The following PRAG1 variants were observed in gnomAD, a reference collection of about 807,000 sequenced individuals.
The protein encoded by PRAG1 is inactive tyrosine-protein kinase PRAG1.
In PRAG1, 110 loss-of-function variants were observed where a neutral mutation model predicts 95.6. The observed-to-expected ratio is 1.15, with a 90% CI of 0.99 to 1.35. The LOEUF (loss-of-function observed/expected upper bound fraction) is 1.35. Ranked by LOEUF, PRAG1 falls within the 40% of genes most tolerant of loss-of-function variation. PRAG1 has a pLI of 0.00. For synonymous variants in PRAG1, 1,052 were observed against 819.4 expected, an observed-to-expected ratio of 1.28 and a Z score of -4.85; for missense variants, 2,554 against 1,864.7, an observed-to-expected ratio of 1.37 and a Z score of -6.81.
chr8:8,329,404 A>ATAATAG (rs1474756821), intron 4 of PRAG1, among the ~76,000 whole-genome samples: 1 of 151,848 alleles, frequency 6.6e-6, no homozygotes, highest in Non-Finnish European at 1.5e-5. Context: ...AATAATAATA[A>ATAATAG]TAATGGGTTG....
intron 3 of PRAG1, among the ~76,000 whole-genome samples, chr8:8,361,192 T>A (rs1160788517): frequency 6.6e-6 from 1 of 152,192 alleles, no homozygotes; most frequent in Non-Finnish European, 1.5e-5. Context: ...GAACTTCCCT[T>A]AAAGGAAAGA....
intron 5 of PRAG1, among the ~76,000 whole-genome samples, chr8:8,322,344 C>T (rs1798499042): frequency 6.6e-6 from 1 of 152,062 alleles, no homozygotes; most frequent in Admixed American, 6.5e-5. Flanking sequence ...CCACACTCGA[C>T]TAAATTTTTG....
At chr8:8,366,608 C>G (rs1800016425) in intron 3 of PRAG1, among the ~76,000 whole-genome samples, 3 of 151,860 alleles carry the variant, frequency 2.0e-5, no homozygotes, top group Non-Finnish European at 4.4e-5. Flanking sequence ...GCCACTGAGC[C>G]CAGCTGGGAA....
Position 8,327,888 on chromosome 8 carries a change from C to T in PRAG1, c.2894G>A (p.Arg965His), listed in dbSNP as rs752294490. The T allele has an allele frequency of 7.4e-6, 12 of 1,614,066 alleles. No individual in the cohort carries two copies. Among genetic ancestry groups the T allele is most frequent in the African/African-American group, 4.0e-5 (3 of 74,934 alleles). Residue 965 changes from arginine (R) to histidine (H), a missense_variant, in exon 5 of 6, where the codon CGC becomes CAC. Physicochemically the swap from Arg to His is conservative, Grantham distance 29. Transcript: ENST00000615670. ...LGGLYTQSLA[R>H]LVAKCEDLFM... ...GAGGTCCTCACATTTGGCTACAAGG[C>T]GGGCCAGGGACTGGGTGTAGAGTCC...
rs144692221 is a variant in PRAG1 at position 8,356,772 on chromosome 8, C to A, written c.2163-17137G>T. 1.5e-3 allele frequency among the ~76,000 whole-genome samples: 228 copies of A among 152,232 alleles called. 5 individuals are homozygous for A. The South Asian group carries it at 0.043, about 29-fold the overall frequency. The stretch of plus-strand genomic sequence containing the variant: ...GAACAAAGTTGGAGGTCTCACACTT[C>A]CTGATTTCAAAACTGATACAAAACT... On this transcript the variant is annotated intron_variant, in intron 3 of 5. Transcript: ENST00000615670.
At position 8,383,214 on chromosome 8, in the gene PRAG1, T is replaced by A. The variant is rs188525761; in HGVS notation, c.-87-1380A>T. Among the ~76,000 whole-genome samples, 42 of 152,268 alleles carry A rather than the reference T, an allele frequency of 2.8e-4. No individual in the cohort carries two copies. In the South Asian group the frequency reaches 5.0e-3, roughly 18 times the overall value. On this transcript the variant is annotated intron_variant, in intron 1 of 5. Coordinates refer to ENST00000615670, the MANE Select transcript of PRAG1 (RefSeq NM_001080826.3). ...GTGCTCTCTTTTATCTCCACACTCA[T>A]AGACAGGGGTGTTCATTCAACAAGT...
chr8:8,341,454 T>C (rs987973738), intron 3 of PRAG1, among the ~76,000 whole-genome samples: 22 of 152,204 alleles, frequency 1.4e-4, no homozygotes, highest in Admixed American at 1.1e-3. Context: ...CCTTCAATAC[T>C]AAGCGTATAT....
At position 8,378,042 on chromosome 8, in the gene PRAG1, G is replaced by A. The variant is rs1346889560; in HGVS notation, c.367C>T (p.Pro123Ser). The A allele has an allele frequency of 1.9e-6, 3 of 1,555,888 alleles. No homozygotes were observed. The highest frequency in any genetic ancestry group is 1.7e-6 in the Non-Finnish European group (2 of 1,150,940). ...ACGACGGGGGCATCCTCCTGCTTCG[G>A]GAGGGGGAGCTTGCCAGGGGCTCGT... is the stretch of plus-strand genomic sequence containing the variant. ...WRRAPGKLPL[P>S]KQEDAPVVYL... Residue 123 changes from proline (P) to serine (S), a missense_variant, in exon 3 of 6, where the codon CCG becomes TCG. Coordinates refer to ENST00000615670, the MANE Select transcript of PRAG1 (RefSeq NM_001080826.3).
rs1250157517 is a variant in PRAG1 at position 8,381,468 on chromosome 8, C to T, written c.280G>A (p.Glu94Lys). Residue 94 changes from glutamate (E) to lysine (K), a missense_variant, in exon 2 of 6, where the codon GAG becomes AAG. Physicochemically the swap from Glu to Lys is moderately conservative, Grantham distance 56. Transcript: ENST00000615670. ...IAVKPTMMSSEASDVWTEANL... is the reference protein window; with the variant it reads ...IAVKPTMMSSKASDVWTEANL... Reference sequence around the variant, plus strand: ...GCCTCTGTCCACACATCAGAGGCCTCGGAGCTCATCATGGTGGGCTTCACG... The same window carrying T: ...GCCTCTGTCCACACATCAGAGGCCTTGGAGCTCATCATGGTGGGCTTCACG... The T allele has an allele frequency of 3.1e-6, 5 of 1,614,206 alleles. No homozygotes were observed. The highest frequency in any genetic ancestry group is 2.2e-5 in the East Asian group (1 of 44,880).
chr8:8,364,558 T>G (rs1799943687), intron 3 of PRAG1, among the ~76,000 whole-genome samples: 1 of 152,246 alleles, frequency 6.6e-6, no homozygotes, highest in South Asian at 2.1e-4. Context: ...ATGCTGTGAA[T>G]GTTTTTAAAT....
At position 8,376,679 on chromosome 8, in the gene PRAG1, C is replaced by T; in HGVS notation, c.1730G>A (p.Ser577Asn). Residue 577 changes from serine to asparagine, a missense_variant, in exon 3 of 6, where the codon AGC becomes AAC. By Grantham distance (46) the Ser-to-Asn change is conservative. Transcript: ENST00000615670. ...VSPLADLSDG[S>N]SGGSSIGPQP... ...GGGCCCAATGCTGCTGCCGCCAGAG[C>T]TCCCATCACTAAGGTCAGCCAGCGG... 6.2e-7 allele frequency: 1 copy of T among 1,611,580 alleles called. No homozygotes were observed. Among genetic ancestry groups the T allele is most frequent in the East Asian group, 2.2e-5 (1 of 44,880 alleles).
At chr8:8,352,869 G>A (rs574690543) in intron 3 of PRAG1, among the ~76,000 whole-genome samples, 2 of 152,240 alleles carry the variant, frequency 1.3e-5, no homozygotes, top group South Asian at 2.1e-4. Context: ...TGAAGGGAAG[G>A]AAGAAGATAT....
chr8:8,355,236 T>G (rs1355743896), intron 3 of PRAG1, among the ~76,000 whole-genome samples: 1 of 152,110 alleles, frequency 6.6e-6, no homozygotes, highest in East Asian at 1.9e-4. Flanking sequence ...CTGAAAACTA[T>G]AAAACATTAA....
intron 3 of PRAG1, among the ~76,000 whole-genome samples, chr8:8,344,823 C>T (rs1429500651): frequency 2.0e-5 from 3 of 152,024 alleles, no homozygotes; most frequent in African/African-American, 7.2e-5. Flanking sequence ...TCCATCAGAC[C>T]CCTCAGTGGG....
intron 3 of PRAG1, among the ~76,000 whole-genome samples, chr8:8,346,932 A>G (rs1799362214): frequency 6.6e-6 from 1 of 152,204 alleles, no homozygotes; most frequent in Non-Finnish European, 1.5e-5. Context: ...CCCAGCAGGC[A>G]TTCACACTGC....
In PRAG1 at chr8:8,344,242, A is replaced by G. The variant is rs182326986; in HGVS notation, c.2163-4607T>C. ...TAAACTGTTGAACGGTGCTTCCACA[A>G]AGGAATGAAAACATTGTGGTATAGT... On this transcript the variant is annotated intron_variant, in intron 3 of 5. Coordinates refer to ENST00000615670, the MANE Select transcript of PRAG1 (RefSeq NM_001080826.3). Among the ~76,000 whole-genome samples, 4 of 152,338 alleles carry G rather than the reference A, an allele frequency of 2.6e-5. No individual in the cohort carries two copies. In the East Asian group the frequency reaches 7.7e-4, roughly 29 times the overall value.
intron 5 of PRAG1, among the ~76,000 whole-genome samples, chr8:8,324,470 T>C (rs1031026121): frequency 5.9e-5 from 9 of 152,134 alleles, no homozygotes; most frequent in Non-Finnish European, 1.3e-4. Context: ...ACTAGCCCTG[T>C]GAGTGAGCTG....
At chr8:8,383,360 C>A (rs940572582) in intron 1 of PRAG1, among the ~76,000 whole-genome samples, 1 of 152,134 alleles carries the variant, frequency 6.6e-6, no homozygotes, top group Non-Finnish European at 1.5e-5. Context: ...CGCTTGAGCC[C>A]AGGAGTTTGA....
rs1798392265 is a variant in PRAG1 at position 8,319,144 on chromosome 8, G to A, written c.3231C>T (p.Pro1077=). The change falls in exon 6 of 6, where the codon CCC becomes CCT. Residue 1077 remains proline, a synonymous_variant. Transcript: ENST00000615670. ...DAPKDPVPAL[P]THPPAQEQDC... ...CCTGCTCCTGGGCAGGGGGGTGTGT[G>A]GGCAGGGCAGGCACAGGGTCCTTGG... is the stretch of plus-strand genomic sequence containing the variant. 1.9e-6 allele frequency: 3 copies of A among 1,605,540 alleles called. No individual in the cohort carries two copies. Among genetic ancestry groups the A allele is most frequent in the South Asian group, 1.1e-5 (1 of 90,526 alleles).
Sources: gnomAD v4.1 joint callset for allele counts (sites outside exome capture counted in the v4.1 genomes callset) on GRCh38, gnomAD v4.1.1 for gene constraint, MANE v1.5 for transcripts, NCBI Gene and HGNC (gene_info 2026-07-23, HGNC 2026-07-21) for gene names.